The following VCAN variants were observed in gnomAD, a reference collection of about 807,000 sequenced individuals.
VCAN encodes the protein versican, also known as versican core protein.
Under a neutral mutation model 245.5 loss-of-function variants are expected in VCAN, and 44 were observed. That is an observed-to-expected ratio of 0.18 (90% CI 0.14 to 0.23). VCAN has a LOEUF of 0.23. Among genes scored for constraint, VCAN ranks in the 10% least tolerant of loss-of-function variants. The pLI, the probability that VCAN is intolerant of heterozygous loss-of-function variation, is 1.00. For missense variants in VCAN, 3,793 were observed against 4,057.9 expected, an observed-to-expected ratio of 0.93 and a Z score of 1.77; for synonymous variants, 1,413 against 1,437.0, an observed-to-expected ratio of 0.98 and a Z score of 0.38.
chr5:83,532,183 C>T (rs1746547887), intron 7 of VCAN, among the ~76,000 whole-genome samples: 1 of 152,042 alleles, frequency 6.6e-6, no homozygotes, highest in African/African-American at 2.4e-5. Flanking sequence ...CTATACACCG[C>T]AAAGAAACTT....
intron 5 of VCAN, among the ~76,000 whole-genome samples, chr5:83,503,517 C>G (rs994698634): frequency 1.3e-5 from 2 of 152,024 alleles, no homozygotes; most frequent in East Asian, 3.9e-4. Context: ...ACAACAACAA[C>G]AAGAACAAAA....
intron 12 of VCAN, among the ~76,000 whole-genome samples, chr5:83,571,969 C>G (rs560344905): frequency 6.6e-6 from 1 of 152,138 alleles, no homozygotes; most frequent in African/African-American, 2.4e-5. Flanking sequence ...ACAGATAAGA[C>G]AAGACAGGCT....
intron 9 of VCAN, among the ~76,000 whole-genome samples, chr5:83,546,592 CA>C (rs11380325): frequency 2.1e-3 from 288 of 137,658 alleles, no homozygotes; most frequent in African/African-American, 5.0e-3. Flanking sequence ...CTCACCTCTG[CA>C]AAAAAAAAAA....
At chr5:83,517,490 A>G (rs1006584806) in intron 6 of VCAN, among the ~76,000 whole-genome samples, 3 of 152,170 alleles carry the variant, frequency 2.0e-5, no homozygotes, top group Non-Finnish European at 2.9e-5. Context: ...TTCTGTATGT[A>G]TCTTTTTACT....
rs575362390 is a variant in VCAN at position 83,510,187 on chromosome 5, G to A, written c.749-1916G>A. Among the ~76,000 whole-genome samples, 3 of 152,106 alleles carry A rather than the reference G, an allele frequency of 2.0e-5. No individual in the cohort carries two copies. The South Asian group carries it at 6.2e-4, about 32-fold the overall frequency. ...ATGTACACCTCTACCACTTCTTTCA[G>A]TCAGGTGAAAGTAATTTCTCTCTCC... On this transcript the variant is annotated intron_variant, in intron 5 of 14. Coordinates refer to ENST00000265077, the MANE Select transcript of VCAN (RefSeq NM_004385.5).
intron 1 of VCAN, among the ~76,000 whole-genome samples, chr5:83,473,104 G>A (rs1004022215): frequency 7.2e-5 from 11 of 152,142 alleles, no homozygotes; most frequent in Non-Finnish European, 1.3e-4. Flanking sequence ...CGGCGCGCGC[G>A]TGTGCCGGGA....
At chr5:83,569,833 A>G (rs1334720456) in intron 12 of VCAN, among the ~76,000 whole-genome samples, 2 of 152,128 alleles carry the variant, frequency 1.3e-5, no homozygotes, top group Non-Finnish European at 2.9e-5. Context: ...GATTTTTGTT[A>G]GTTTTAATGG....
At position 83,519,536 on chromosome 5, in the gene VCAN, C is replaced by T. The variant is rs148253316; in HGVS notation, c.1230C>T (p.Val410=). The change falls in exon 7 of 15, where the codon GTC becomes GTT. Residue 410 remains valine (V), a synonymous_variant. Transcript: ENST00000265077. The part of the protein sequence containing the change: ...NIVSFEQKAT[V]QPQAITDSLA... ...TCAGTTTTGAACAGAAAGCCACAGT[C>T]CAACCTCAGGCTATCACAGATAGTT... The T allele has an allele frequency of 3.1e-6, 5 of 1,614,142 alleles. No homozygotes were observed. The South Asian group carries it at 5.5e-5, about 18-fold the overall frequency.
At chr5:83,529,754 A>G (rs1442033734) in intron 7 of VCAN, among the ~76,000 whole-genome samples, 1 of 152,152 alleles carries the variant, frequency 6.6e-6, no homozygotes, top group Non-Finnish European at 1.5e-5. Flanking sequence ...TGATTGCCAC[A>G]TGCAAGTCAC....
In VCAN at chr5:83,512,090, C is replaced by CT. The variant is rs1191752070; in HGVS notation, c.749-5dup. ...TAAAACTTTGGGCTTTTTTTCCCTT[C>CT]TTTTTTTTCCAGGTGATGTGTTCCA... is the stretch of plus-strand genomic sequence containing the variant. On this transcript the variant is annotated splice_polypyrimidine_tract_variant and intron_variant, in intron 5 of 14. Transcript: ENST00000265077. 3.7e-6 allele frequency: 6 copies of CT among 1,613,366 alleles called. No individual in the cohort carries two copies. The African/African-American group carries it at 6.7e-5, about 18-fold the overall frequency.
At position 83,580,053 on chromosome 5, in the gene VCAN, C is replaced by T. The variant is rs368432759; in HGVS notation, c.9954C>T (p.Asn3318=). 47 of 1,614,024 alleles carry T rather than the reference C, an allele frequency of 2.9e-5. No individual in the cohort carries two copies. In the Admixed American group the frequency reaches 6.0e-4, roughly 21 times the overall value. The part of the protein sequence containing the change: ...FGKMKPRYEI[N]SLIRYHCKDG... ...AGATGAAACCTCGTTATGAAATCAA[C>T]TCCCTGATTAGATACCACTGCAAAG... The change falls in exon 14 of 15, where the codon AAC becomes AAT. Residue 3318 remains asparagine, a synonymous_variant. Coordinates refer to ENST00000265077, the MANE Select transcript of VCAN (RefSeq NM_004385.5).
intron 12 of VCAN, among the ~76,000 whole-genome samples, chr5:83,565,447 G>C (rs933646605): frequency 6.6e-6 from 1 of 151,638 alleles, no homozygotes. Context: ...GAGAGACAGA[G>C]TCTCAAATTT....
At chr5:83,507,709 G>A (rs1451236520) in intron 5 of VCAN, among the ~76,000 whole-genome samples, 1 of 152,154 alleles carries the variant, frequency 6.6e-6, no homozygotes, top group Admixed American at 6.5e-5. Context: ...TTTGGACCAA[G>A]CCTGGATTTA....
At chr5:83,562,021 C>T (rs1747886317) in intron 12 of VCAN, 1 of 152,110 alleles carries the variant, frequency 6.6e-6, no homozygotes, top group African/African-American at 2.4e-5. Context: ...TTAAGTTTTC[C>T]TTTTCCTACC....
chr5:83,512,367 A>C lies in VCAN; in HGVS notation c.1013A>C (p.Asp338Ala). 1 of 1,611,862 alleles carries C rather than the reference A, an allele frequency of 6.2e-7. No individual in the cohort carries two copies. The highest frequency in any genetic ancestry group is 8.5e-7 in the Non-Finnish European group (1 of 1,178,156). Residue 338 changes from aspartate (D) to alanine (A), a missense_variant, in exon 6 of 15, where the codon GAT (aspartate) becomes GCT (alanine). Physicochemically the swap from Asp to Ala is moderately radical, Grantham distance 126. This residue lies in a region of VCAN where 190 missense variants were observed against 288.6 expected (regional missense o/e 0.66). Coordinates refer to ENST00000265077, the MANE Select transcript of VCAN (RefSeq NM_004385.5). ...FENQTGFPPP[D>A]SRFDAYCFKP... The stretch of plus-strand genomic sequence containing the variant: ...AACCAGACAGGCTTCCCTCCCCCTG[A>C]TAGCAGATTTGATGCCTACTGCTTT...
Position 83,472,392 on chromosome 5 carries a change from TTTG to T in VCAN, c.-7+381_-7+383del, listed in dbSNP as rs1395746120. ...GAGGGACCTTTGGCACTTTGATTTT[TTTG>T]TTGTTGTTGTTCTTAACACGCTCGA... On this transcript the variant is annotated intron_variant, in intron 1 of 14. Coordinates refer to ENST00000265077, the MANE Select transcript of VCAN (RefSeq NM_004385.5). Among the ~76,000 whole-genome samples, 25 of 152,212 alleles carry T rather than the reference TTTG, an allele frequency of 1.6e-4. No homozygotes were observed. The South Asian group carries it at 1.7e-3, about 10-fold the overall frequency.
intron 3 of VCAN, among the ~76,000 whole-genome samples, chr5:83,491,242 G>T (rs2112355045): frequency 6.6e-6 from 1 of 152,278 alleles, no homozygotes; most frequent in African/African-American, 2.4e-5. Context: ...GCCCTTGGAA[G>T]CGTAATATTT....
chr5:83,570,169 T>C (rs1480493571), intron 12 of VCAN, among the ~76,000 whole-genome samples: 2 of 151,954 alleles, frequency 1.3e-5, no homozygotes, highest in Non-Finnish European at 2.9e-5. Context: ...ATTTGGAGAG[T>C]AACACAGTGG....
rs1408272995 is a variant in VCAN, at chr5:83,476,275, T to A, written c.-7+4252T>A. On this transcript the variant is annotated intron_variant, in intron 1 of 14. Transcript: ENST00000265077. ...CTCCTTTCCTGGTGAGATTTAAACA[T>A]TTTTGTTGACGTCATTCATGGACAA... Among the ~76,000 whole-genome samples, 4 of 152,328 alleles carry A rather than the reference T, an allele frequency of 2.6e-5. No homozygotes were observed. The South Asian group carries it at 8.3e-4, about 32-fold the overall frequency.
Sources: allele counts gnomAD v4.1 joint callset (sites outside exome capture counted in the v4.1 genomes callset), GRCh38; gene constraint gnomAD v4.1.1; regional missense constraint gnomAD v4.1.1; transcripts MANE v1.5; gene names NCBI Gene and HGNC (gene_info 2026-07-23, HGNC 2026-07-21).